AFF1: variants seen among roughly 807,000 people sequenced by gnomAD.
AFF1 encodes ALF transcription elongation factor 1.
Under a neutral mutation model 121.7 loss-of-function variants are expected in AFF1, and 48 were observed. That is an observed-to-expected ratio of 0.39 (90% CI 0.31 to 0.50). The LOEUF (loss-of-function observed/expected upper bound fraction) is 0.50. AFF1 is among the 20% of genes least tolerant of loss of function. AFF1 has a pLI of 0.76. For synonymous variants in AFF1, 613 were observed against 563.0 expected, an observed-to-expected ratio of 1.09 and a Z score of -1.26; for missense variants, 1,523 against 1,511.7, an observed-to-expected ratio of 1.01 and a Z score of -0.12.
At chr4:86,942,362 C>G (rs1429943151) in intron 1 of AFF1, among the ~76,000 whole-genome samples, 3 of 152,194 alleles carry the variant, frequency 2.0e-5, no homozygotes, top group Non-Finnish European at 4.4e-5. Flanking sequence ...TCAGGTGACT[C>G]ATCTGTCCAG....
intron 8 of AFF1, among the ~76,000 whole-genome samples, chr4:87,095,578 T>G (rs905106849): frequency 1.3e-5 from 2 of 152,216 alleles, no homozygotes; most frequent in African/African-American, 4.8e-5. Flanking sequence ...TTTAATAGCT[T>G]TAGCTGTTAG....
rs377591933 is a variant in AFF1 at position 87,046,169 on chromosome 4, G to T, written c.42G>T (p.Leu14Phe). 2.5e-6 allele frequency: 4 copies of T among 1,612,596 alleles called. No homozygotes were observed. The highest frequency in any genetic ancestry group is 2.2e-5 in the East Asian group (1 of 44,874). The stretch of plus-strand genomic sequence containing the variant: ...TCTTTTGTGGCATCTGAAACAGTTT[G>T]TACAATGACGACAGAAACCTGCTTC... ...TERVNSSGNS[L>F]YNDDRNLLRI... The change falls in exon 3 of 21, where the codon TTG (leucine) becomes TTT (phenylalanine). Residue 14 changes from leucine (L) to phenylalanine (F), a missense_variant. By Grantham distance (22) the Leu-to-Phe change is conservative. Coordinates refer to ENST00000395146, the MANE Select transcript of AFF1 (RefSeq NM_001166693.3).
chr4:87,067,485 T>TA (rs1452449890), intron 4 of AFF1, among the ~76,000 whole-genome samples: 11 of 152,256 alleles, frequency 7.2e-5, no homozygotes, highest in African/African-American at 2.4e-4. Flanking sequence ...AGTGATGGAC[T>TA]ACAGTGAGAA....
chr4:87,017,288 C>T (rs1010306833), intron 2 of AFF1, among the ~76,000 whole-genome samples: 3 of 151,860 alleles, frequency 2.0e-5, no homozygotes, highest in Admixed American at 1.3e-4. Context: ...GTTATTTGGG[C>T]TATGAAAGTA....
intron 2 of AFF1, among the ~76,000 whole-genome samples, chr4:87,017,347 A>G (rs1045882803): frequency 1.3e-5 from 2 of 152,112 alleles, no homozygotes; most frequent in Non-Finnish European, 2.9e-5. Context: ...AGAAAATTAT[A>G]TATTGTTTTC....
rs62306540 is a variant in AFF1, at chr4:87,127,711, T to C, written c.2964+8T>C. ...CAGAAAGCAGAGTTAATGGTTAGTA[T>C]TGGCCCTTTATCTCTTTGGTAGAAT... On this transcript the variant is annotated splice_region_variant and intron_variant, in intron 16 of 20. Coordinates refer to ENST00000395146, the MANE Select transcript of AFF1 (RefSeq NM_001166693.3). 271,297 of 1,613,130 alleles carry C rather than the reference T, an allele frequency of 0.17. 25,225 individuals carry two copies. The highest frequency in any genetic ancestry group is 0.19 in the Non-Finnish European group (220,396 of 1,179,100).
At chr4:87,070,291 T>C (rs1047037235) in intron 4 of AFF1, among the ~76,000 whole-genome samples, 13 of 151,384 alleles carry the variant, frequency 8.6e-5, no homozygotes, top group Admixed American at 4.6e-4. Context: ...CGTGAGCCAC[T>C]GCACCCAGAC....
At chr4:87,045,475 G>A (rs1461679530) in intron 2 of AFF1, among the ~76,000 whole-genome samples, 1 of 151,830 alleles carries the variant, frequency 6.6e-6, no homozygotes, top group African/African-American at 2.4e-5. Flanking sequence ...TAGTGCCAGG[G>A]CTGATGATTT....
At chr4:86,943,983 CATAAA>C (rs886299197) in intron 1 of AFF1, among the ~76,000 whole-genome samples, 3 of 150,424 alleles carry the variant, frequency 2.0e-5, no homozygotes, top group African/African-American at 7.3e-5. Context: ...ACAATAATAA[CATAAA>C]ATGAAATAAG....
rs143168567 is a variant in AFF1, at chr4:87,114,544, C to T, written c.1711C>T (p.Pro571Ser). The change falls in exon 12 of 21, where the codon CCT becomes TCT. Residue 571 changes from proline (P) to serine (S), a missense_variant. Coordinates refer to ENST00000395146, the MANE Select transcript of AFF1 (RefSeq NM_001166693.3). The part of the protein sequence containing the change: ...QEHSESKDPP[P>S]KSSSKAPRAP... Reference sequence around the variant, plus strand: ...GCATTCTGAATCCAAAGATCCTCCCCCTAAAAGCTCCAGCAAAGCCCCCCG... The same window carrying T: ...GCATTCTGAATCCAAAGATCCTCCCTCTAAAAGCTCCAGCAAAGCCCCCCG... 6.3e-5 allele frequency: 102 copies of T among 1,611,598 alleles called. No individual in the cohort carries two copies. In the East Asian group the frequency reaches 1.9e-3, roughly 30 times the overall value.
At chr4:87,004,469 A>G (rs905700258) in intron 2 of AFF1, among the ~76,000 whole-genome samples, 1 of 152,234 alleles carries the variant, frequency 6.6e-6, no homozygotes. Flanking sequence ...AAATTAAAAA[A>G]ATTATTGAGA....
intron 2 of AFF1, among the ~76,000 whole-genome samples, chr4:87,013,734 G>A (rs139179257): frequency 6.6e-6 from 1 of 150,904 alleles, no homozygotes; most frequent in East Asian, 2.0e-4. Flanking sequence ...AAAGTAAAAG[G>A]CTATTTTAGG....
intron 2 of AFF1, among the ~76,000 whole-genome samples, chr4:86,996,743 AAAAC>A (rs1457948931): frequency 6.6e-6 from 1 of 151,612 alleles, no homozygotes; most frequent in Non-Finnish European, 1.5e-5. Flanking sequence ...AACAAACAAA[AAAAC>A]CCACAAATAT....
intron 1 of AFF1, among the ~76,000 whole-genome samples, chr4:86,947,632 T>A (rs966906969): frequency 6.6e-6 from 1 of 152,200 alleles, no homozygotes; most frequent in Non-Finnish European, 1.5e-5. Context: ...GTAGTCAATT[T>A]ATAAATACTC....
intron 19 of AFF1, 79 bp downstream of exon 19, chr4:87,132,487 ATGCTTACATATGTCACTTTGCCTTTTC>A (rs1728927721): frequency 9.2e-6 from 13 of 1,405,484 alleles, no homozygotes; most frequent in African/African-American, 1.5e-5. Context: ...AACCATTTGT[ATGCTTACATATGTCACTTTGCCTTTTC>A]AAAAATTGTT....
intron 14 of AFF1, 61 bp from the exon 15 acceptor site, chr4:87,126,965 C>T: frequency 6.9e-7 from 1 of 1,449,218 alleles, no homozygotes; most frequent in Non-Finnish European, 9.7e-7. Context: ...AGGGATGGTA[C>T]TTTTAGGACA....
At position 87,056,247 on chromosome 4, in the gene AFF1, T is replaced by G. The variant is rs977571510; in HGVS notation, c.1059+8653T>G. Among the ~76,000 whole-genome samples, 6 of 152,312 alleles carry G rather than the reference T, an allele frequency of 3.9e-5. No homozygotes were observed. In the East Asian group the frequency reaches 1.2e-3, roughly 29 times the overall value. On this transcript the variant is annotated intron_variant, in intron 4 of 20. Coordinates refer to ENST00000395146, the MANE Select transcript of AFF1 (RefSeq NM_001166693.3). ...AGCTCTGTCCTTTAGATAAATCACC[T>G]TAGGTTTTTTATTCCAATTTACAAA...
At chr4:86,996,564 A>G (rs1725222406) in intron 2 of AFF1, among the ~76,000 whole-genome samples, 1 of 151,006 alleles carries the variant, frequency 6.6e-6, no homozygotes, top group Non-Finnish European at 1.5e-5. Flanking sequence ...CCTAATCTCA[A>G]GTACCCAGGG....
At chr4:87,113,323 A>G (rs1488024053) in intron 11 of AFF1, among the ~76,000 whole-genome samples, 1 of 151,818 alleles carries the variant, frequency 6.6e-6, no homozygotes, top group Non-Finnish European at 1.5e-5. Flanking sequence ...TCACTCTGTC[A>G]CCTAAGCTGG....
Sources: allele counts gnomAD v4.1 joint callset (sites outside exome capture counted in the v4.1 genomes callset), GRCh38; gene constraint gnomAD v4.1.1; transcripts MANE v1.5; gene names NCBI Gene and HGNC (gene_info 2026-07-23, HGNC 2026-07-21).